SLC2A13: variants seen among roughly 807,000 people sequenced by gnomAD.
The protein encoded by SLC2A13 is solute carrier family 2 member 13, also known as proton myo-inositol cotransporter.
In SLC2A13, 32 loss-of-function variants were observed where a neutral mutation model predicts 64.4. That is an observed-to-expected ratio of 0.50 (90% CI 0.37 to 0.67). The LOEUF is 0.67. Ranked by LOEUF, SLC2A13 falls within the 30% of genes least tolerant of loss-of-function variation. The probability of loss-of-function intolerance (pLI) is 0.00; values close to 1 mark genes in which losing one functional copy is unlikely to be tolerated. For missense variants in SLC2A13, 743 were observed against 829.2 expected (o/e 0.90, Z 1.28); for synonymous variants, 338 against 327.1 (o/e 1.03, Z -0.36).
intron 4 of SLC2A13, among the ~76,000 whole-genome samples, chr12:39,922,643 CTT>C (rs1363383335): frequency 6.6e-6 from 1 of 152,160 alleles, no homozygotes; most frequent in East Asian, 1.9e-4. Flanking sequence ...AATACAATGA[CTT>C]TTTGTGTGTG....
chr12:39,876,084 A>C, intron 4 of SLC2A13, among the ~76,000 whole-genome samples: 1 of 152,222 alleles, frequency 6.6e-6, no homozygotes, highest in East Asian at 1.9e-4. Flanking sequence ...CATCTTCTTC[A>C]AAGATTCCCT....
intron 3 of SLC2A13, among the ~76,000 whole-genome samples, chr12:39,999,019 G>A (rs1947280865): frequency 6.6e-6 from 1 of 152,098 alleles, no homozygotes; most frequent in Admixed American, 6.5e-5. Context: ...CCGCAGCAGA[G>A]GAACATAAAT....
chr12:39,986,317 C>G (rs1358183403), intron 3 of SLC2A13, among the ~76,000 whole-genome samples: 1 of 152,014 alleles, frequency 6.6e-6, no homozygotes, highest in Non-Finnish European at 1.5e-5. Flanking sequence ...AAAGCATACA[C>G]ATATTCTGGA....
intron 4 of SLC2A13, among the ~76,000 whole-genome samples, chr12:39,932,256 G>A (rs1348210232): frequency 1.3e-5 from 2 of 152,064 alleles, no homozygotes; most frequent in African/African-American, 2.4e-5. Context: ...GGGGGAATCA[G>A]GCACTTCAAA....
At chr12:39,778,752 C>A (rs1357031267) in intron 7 of SLC2A13, among the ~76,000 whole-genome samples, 1 of 152,082 alleles carries the variant, frequency 6.6e-6, no homozygotes, top group African/African-American at 2.4e-5. Flanking sequence ...TGTTGGACAT[C>A]CTTTGAGATA....
chr12:40,050,182 T>C (rs1948232447), intron 1 of SLC2A13, among the ~76,000 whole-genome samples: 1 of 152,200 alleles, frequency 6.6e-6, no homozygotes, highest in South Asian at 2.1e-4. Context: ...TCTCAAACTT[T>C]CATAATTCAA....
intron 1 of SLC2A13, among the ~76,000 whole-genome samples, chr12:40,098,023 ATATGTATG>A (rs1458901763): frequency 0.016 from 2,331 of 148,786 alleles, 71 homozygotes; most frequent in African/African-American, 0.049. Flanking sequence ...ATATATGTGT[ATATGTATG>A]TATATATGTA....
intron 1 of SLC2A13, among the ~76,000 whole-genome samples, chr12:40,070,301 T>C (rs1055321449): frequency 1.3e-5 from 2 of 152,108 alleles, no homozygotes; most frequent in East Asian, 3.9e-4. Context: ...TGAACATTTA[T>C]CAGTCACCAA....
At chr12:39,952,693 TGTA>T (rs1946251246) in intron 3 of SLC2A13, among the ~76,000 whole-genome samples, 1 of 152,208 alleles carries the variant, frequency 6.6e-6, no homozygotes, top group East Asian at 1.9e-4. Flanking sequence ...CAAAGCTAAA[TGTA>T]GTGACGATCC....
At chr12:39,872,023 G>C in intron 4 of SLC2A13, 62 bp from the exon 5 acceptor site, 1 of 1,357,324 alleles carries the variant, frequency 7.4e-7, no homozygotes. Context: ...GGGTTATTTT[G>C]ATAGAAAAAG....
At chr12:39,935,150 A>G (rs1022329468) in intron 4 of SLC2A13, among the ~76,000 whole-genome samples, 1 of 152,138 alleles carries the variant, frequency 6.6e-6, no homozygotes, top group Non-Finnish European at 1.5e-5. Flanking sequence ...AACACTTAGG[A>G]AGGCAGAGGT....
chr12:39,986,167 T>C (rs1452050644), intron 3 of SLC2A13, among the ~76,000 whole-genome samples: 2 of 151,926 alleles, frequency 1.3e-5, no homozygotes, highest in Non-Finnish European at 2.9e-5. Flanking sequence ...CTAATATAAA[T>C]CCTAACCTCC....
intron 4 of SLC2A13, among the ~76,000 whole-genome samples, chr12:39,893,492 G>A (rs914622856): frequency 1.3e-5 from 2 of 152,132 alleles, no homozygotes; most frequent in Admixed American, 1.3e-4. Flanking sequence ...TAGAGACGAG[G>A]TTTCACCATG....
intron 4 of SLC2A13, among the ~76,000 whole-genome samples, chr12:39,913,655 G>A (rs923221642): frequency 1.3e-5 from 2 of 151,724 alleles, no homozygotes; most frequent in East Asian, 1.9e-4. Context: ...CAGGAGAAAA[G>A]ATACATAATT....
intron 2 of SLC2A13, among the ~76,000 whole-genome samples, chr12:40,040,091 G>A (rs1948059722): frequency 6.6e-6 from 1 of 152,160 alleles, no homozygotes; most frequent in South Asian, 2.1e-4. Flanking sequence ...CTGAAGGTGA[G>A]AGCAATTTTT....
At chr12:39,769,896 T>G (rs1353910765) in intron 7 of SLC2A13, among the ~76,000 whole-genome samples, 5 of 152,068 alleles carry the variant, frequency 3.3e-5, no homozygotes, top group Non-Finnish European at 7.4e-5. Context: ...TATGTGGTCT[T>G]TTTCCTGGAT....
intron 3 of SLC2A13, among the ~76,000 whole-genome samples, chr12:40,015,834 T>C (rs1426209422): frequency 6.6e-6 from 1 of 152,216 alleles, no homozygotes; most frequent in Admixed American, 6.5e-5. Context: ...CTTGAGGTTT[T>C]TCTCATCTCT....
intron 4 of SLC2A13, among the ~76,000 whole-genome samples, chr12:39,934,840 A>G (rs1007457972): frequency 2.6e-5 from 4 of 152,248 alleles, no homozygotes; most frequent in African/African-American, 4.8e-5. Flanking sequence ...ATCGAAATAA[A>G]TGAAGAAGTT....
intron 1 of SLC2A13, among the ~76,000 whole-genome samples, chr12:40,055,953 T>A (rs1455190793): frequency 1.4e-5 from 2 of 141,862 alleles, no homozygotes; most frequent in Non-Finnish European, 3.0e-5. Context: ...GCATAACAAC[T>A]AAGGTACAAC....
Sources: gnomAD v4.1 joint callset for allele counts (sites outside exome capture counted in the v4.1 genomes callset) on GRCh38, gnomAD v4.1.1 for gene constraint, MANE v1.5 for transcripts, NCBI Gene and HGNC (gene_info 2026-07-23, HGNC 2026-07-21) for gene names.